Variants in SYT2 observed in about 807,000 individuals in gnomAD.
SYT2 encodes synaptotagmin-2.
Under a neutral mutation model 39.9 loss-of-function variants are expected in SYT2, and 15 were observed. The observed-to-expected ratio is 0.38, with a 90% CI of 0.25 to 0.58. The LOEUF (loss-of-function observed/expected upper bound fraction) is 0.58, where lower values mean the gene tolerates loss of function less well. SYT2 is among the 20% of genes least tolerant of loss of function. SYT2 has a pLI of 0.70. For missense variants in SYT2, 389 were observed against 530.3 expected (o/e 0.73, Z 2.62); for synonymous variants, 181 against 204.5 (o/e 0.89, Z 0.98).
At chr1:202,680,037 G>A (rs1229008371) in intron 1 of SYT2, among the ~76,000 whole-genome samples, 2 of 152,174 alleles carry the variant, frequency 1.3e-5, no homozygotes, top group Non-Finnish European at 2.9e-5. Context: ...CCCTCCTTCT[G>A]AATCCCATAT....
chr1:202,688,674 A>G (rs1653735980), intron 1 of SYT2, among the ~76,000 whole-genome samples: 1 of 152,236 alleles, frequency 6.6e-6, no homozygotes. Context: ...AAGGAACAAG[A>G]GGACACATTC....
chr1:202,669,757 C>CA (rs796796757), intron 1 of SYT2, among the ~76,000 whole-genome samples: 1,562 of 84,022 alleles, frequency 0.019, 17 homozygotes, highest in African/African-American at 0.047. Flanking sequence ...GACCCTGTCT[C>CA]AAAAAAAAAA....
At position 202,684,956 on chromosome 1, in the gene SYT2, T is replaced by A. The variant is rs150566672; in HGVS notation, c.-18+25302A>T. Among the ~76,000 whole-genome samples the A allele has an allele frequency of 7.9e-4, 120 of 152,230 alleles. 1 individual carries two copies. In the East Asian group the frequency reaches 0.013, roughly 16 times the overall value. ...ATGCTCAAAAGGTATTCCAGGAATA[T>A]CTGTGCAGCAGTGGGCTGTGGACAG... is the stretch of plus-strand genomic sequence containing the variant. On this transcript the variant is annotated intron_variant, in intron 1 of 8. Coordinates refer to ENST00000367268, the MANE Select transcript of SYT2 (RefSeq NM_177402.5).
chr1:202,671,472 T>C (rs1449969716), intron 1 of SYT2, among the ~76,000 whole-genome samples: 1 of 152,162 alleles, frequency 6.6e-6, no homozygotes, highest in Non-Finnish European at 1.5e-5. Flanking sequence ...ACCTAAACAG[T>C]GTCAAAGACA....
rs1690200388 is a variant in SYT2, at chr1:202,593,716, T to C, written c.*3041A>G. 1 of 152,030 alleles carries C rather than the reference T, an allele frequency of 6.6e-6. No individual in the cohort carries two copies. The highest frequency in any genetic ancestry group is 6.5e-5 in the Admixed American group (1 of 15,272). 9.4% of individuals were successfully genotyped at this position (152,030 alleles called of 1,614,324 possible). The stretch of plus-strand genomic sequence containing the variant: ...GAGTTAGCATCCCTTCTGGAACAAT[T>C]ATTCAGGGAGGAAGAAGAAAACGAA... On this transcript the variant is annotated 3_prime_UTR_variant, in exon 9 of 9. Coordinates refer to ENST00000367268, the MANE Select transcript of SYT2 (RefSeq NM_177402.5).
rs1281423966 is a variant in SYT2, at chr1:202,590,834, AGTTTTCAGCCCCAGG to A, written c.*5908_*5922del. ...AGGCTCTGCCAGGCCCTGATTTTGA[AGTTTTCAGCCCCAGG>A]GTTTTCAGAAAGCAGCAAATCAAGT... On this transcript the variant is annotated 3_prime_UTR_variant, in exon 9 of 9. Transcript: ENST00000367268. 2.0e-5 allele frequency: 3 copies of A among 151,996 alleles called. No homozygotes were observed. The allele number at this position is 151,996 out of a possible 1,614,324, so 9.4% of individuals were successfully genotyped here.
rs1464041017 is a variant in SYT2 at position 202,610,084 on chromosome 1, C to G, written c.-17-4295G>C. ...TTGTATAAGGTGTAAGGAAGGGATC[C>G]AGTTTCAGCTTTCTACATATGGCTA... On this transcript the variant is annotated intron_variant, in intron 1 of 8. Transcript: ENST00000367268. 2.9e-4 allele frequency among the ~76,000 whole-genome samples: 44 copies of G among 152,116 alleles called. 1 individual carries two copies. Among genetic ancestry groups the G allele is most frequent in the Admixed American group, 2.9e-3 (44 of 15,268 alleles).
At chr1:202,691,304 C>A (rs2149117089) in intron 1 of SYT2, among the ~76,000 whole-genome samples, 1 of 152,216 alleles carries the variant, frequency 6.6e-6, no homozygotes, top group Non-Finnish European at 1.5e-5. Flanking sequence ...GTGCCCTGGG[C>A]CAGAAAACAA....
rs147872189 is a variant in SYT2, at chr1:202,647,831, C to T, written c.-17-42042G>A. ...CTCTCCCTGCTCCTCCTTCCCCCTC[C>T]TCCCTCCCCCTCCAAATCACTGAGC... is the stretch of plus-strand genomic sequence containing the variant. On this transcript the variant is annotated intron_variant, in intron 1 of 8. Coordinates refer to ENST00000367268, the MANE Select transcript of SYT2 (RefSeq NM_177402.5). 6.8e-3 allele frequency among the ~76,000 whole-genome samples: 1,029 copies of T among 152,274 alleles called. 8 individuals are homozygous for T. Among genetic ancestry groups the T allele is most frequent in the African/African-American group, 0.024 (984 of 41,556 alleles).
chr1:202,668,471 T>C (rs1433214466), intron 1 of SYT2, among the ~76,000 whole-genome samples: 2 of 152,236 alleles, frequency 1.3e-5, no homozygotes, highest in African/African-American at 4.8e-5. Context: ...TAGCAATGTT[T>C]ATAGGTAGAA....
At chr1:202,686,088 T>C (rs1653658556) in intron 1 of SYT2, among the ~76,000 whole-genome samples, 1 of 152,164 alleles carries the variant, frequency 6.6e-6, no homozygotes, top group South Asian at 2.1e-4. Flanking sequence ...AATTTAATGT[T>C]GAAATGTAAC....
intron 1 of SYT2, among the ~76,000 whole-genome samples, chr1:202,690,487 T>C (rs924246064): frequency 6.6e-6 from 1 of 152,084 alleles, no homozygotes; most frequent in South Asian, 2.1e-4. Flanking sequence ...TACAGATACA[T>C]GGATTCTCAG....
At chr1:202,661,778 TC>T (rs1277097575) in intron 1 of SYT2, among the ~76,000 whole-genome samples, 2 of 152,116 alleles carry the variant, frequency 1.3e-5, no homozygotes, top group Non-Finnish European at 2.9e-5. Flanking sequence ...TTGGATCCAA[TC>T]CCCACATTTT....
intron 1 of SYT2, among the ~76,000 whole-genome samples, chr1:202,616,469 CGCACACACACTT>C (rs1361389611): frequency 6.6e-6 from 1 of 152,148 alleles, no homozygotes; most frequent in South Asian, 2.1e-4. Context: ...TTCGTGACCA[CGCACACACACTT>C]GCACACACAT....
At chr1:202,704,152 T>C (rs186675439) in intron 1 of SYT2, among the ~76,000 whole-genome samples, 1 of 152,194 alleles carries the variant, frequency 6.6e-6, no homozygotes, top group East Asian at 1.9e-4. Flanking sequence ...GCAAGCTTTG[T>C]GATTGAGGAA....
rs113760626 is a variant in SYT2, at chr1:202,639,759, G to A, written c.-17-33970C>T. The A allele has an allele frequency of 0.01, 9,968 of 985,372 alleles. 741 individuals are homozygous for A. In the African/African-American group the frequency reaches 0.16, roughly 16 times the overall value. 61.0% of individuals were successfully genotyped at this position (985,372 alleles called of 1,614,324 possible). On this transcript the variant is annotated intron_variant, in intron 1 of 8. Transcript: ENST00000367268. The stretch of plus-strand genomic sequence containing the variant: ...TCTTCCTTTCTCCAGGCCCCATGAC[G>A]AAGACTAGAGCATGCAAACTCCTGG...
intron 1 of SYT2, among the ~76,000 whole-genome samples, chr1:202,709,150 C>T (rs1404918344): frequency 6.6e-6 from 1 of 152,234 alleles, no homozygotes; most frequent in Non-Finnish European, 1.5e-5. Context: ...ACCTGTACTA[C>T]CTGCCCACGG....
intron 1 of SYT2, among the ~76,000 whole-genome samples, chr1:202,701,727 T>A (rs1324202768): frequency 1.3e-5 from 2 of 152,168 alleles, no homozygotes; most frequent in Non-Finnish European, 2.9e-5. Context: ...ATTGCCATCA[T>A]GGAAACTGCT....
chr1:202,604,132 C>A, intron 3 of SYT2: 1 of 254,096 alleles, frequency 3.9e-6, no homozygotes, highest in Non-Finnish European at 7.5e-6. Flanking sequence ...CTGGAAAACA[C>A]AGGGTTAACT....
Sources: gnomAD v4.1 joint callset for allele counts (sites outside exome capture counted in the v4.1 genomes callset) on GRCh38, gnomAD v4.1.1 for gene constraint, MANE v1.5 for transcripts, NCBI Gene and HGNC (gene_info 2026-07-23, HGNC 2026-07-21) for gene names.